RIMBP2: variants seen among roughly 807,000 people sequenced by gnomAD.
The protein encoded by RIMBP2 is RIMS binding protein 2.
A neutral mutation model predicts 118.6 loss-of-function variants in RIMBP2; 48 were observed. The observed-to-expected ratio is 0.40, with a 90% CI of 0.32 to 0.51. The LOEUF is 0.51. Among genes scored for constraint, RIMBP2 ranks in the 20% least tolerant of loss-of-function variants. The probability of loss-of-function intolerance (pLI) is 0.41; values close to 1 mark genes in which losing one functional copy is unlikely to be tolerated. For missense variants in RIMBP2, 1,551 were observed against 1,768.3 expected, an observed-to-expected ratio of 0.88 and a Z score of 2.20; for synonymous variants, 762 against 742.9, an observed-to-expected ratio of 1.03 and a Z score of -0.42.
chr12:130,664,415 A>ACGCACGCACACACGCACACACACGTACG, intron 1 of RIMBP2, among the ~76,000 whole-genome samples: 1 of 130,496 alleles, frequency 7.7e-6, no homozygotes, highest in East Asian at 2.3e-4. Flanking sequence ...ACGCACGCAC[A>ACGCACGCACACACGCACACACACGTACG]CACACGCACA....
At chr12:130,662,370 T>A (rs2063699660) in intron 1 of RIMBP2, among the ~76,000 whole-genome samples, 1 of 152,062 alleles carries the variant, frequency 6.6e-6, no homozygotes, top group African/African-American at 2.4e-5. Context: ...CTTTTAGGAA[T>A]CTGGAGGCGG....
intron 2 of RIMBP2, among the ~76,000 whole-genome samples, chr12:130,604,878 G>A (rs772638038): frequency 7.9e-5 from 12 of 151,268 alleles, no homozygotes; most frequent in Admixed American, 1.3e-4. Flanking sequence ...CACCGCGCCC[G>A]GCCTCTTTCT....
At chr12:130,681,716 G>T (rs1233425792) in intron 1 of RIMBP2, among the ~76,000 whole-genome samples, 4 of 151,788 alleles carry the variant, frequency 2.6e-5, no homozygotes, top group African/African-American at 9.7e-5. Context: ...CTTTTTTTGA[G>T]ATGAGTCTCT....
intron 2 of RIMBP2, among the ~76,000 whole-genome samples, chr12:130,546,286 T>C (rs2055156728): frequency 6.6e-6 from 1 of 151,782 alleles, no homozygotes; most frequent in East Asian, 1.9e-4. Flanking sequence ...TTGTGTTTTT[T>C]GTTAGTTAGT....
At chr12:130,438,339 T>TA in intron 12 of RIMBP2, 26 bp downstream of exon 12, 2 of 755,636 alleles carry the variant, frequency 2.6e-6, no homozygotes, top group Non-Finnish European at 2.1e-6. Context: ...TAACAAACCC[T>TA]CCCCACCCAC....
In RIMBP2 at chr12:130,685,597, G is replaced by A. The variant is rs779135041; in HGVS notation, c.-352+30625C>T. Among the ~76,000 whole-genome samples, 71 of 152,278 alleles carry A rather than the reference G, an allele frequency of 4.7e-4. 1 individual carries two copies. The Middle Eastern group carries it at 0.01, about 22-fold the overall frequency. On this transcript the variant is annotated intron_variant, in intron 1 of 22. Transcript: ENST00000690449. ...CCTCATTTCCAAAAAGCCCAGGCAG[G>A]AAGGGAGCCGTGTGGCCGCCGTGGC...
At chr12:130,644,135 C>T (rs540812823) in intron 1 of RIMBP2, among the ~76,000 whole-genome samples, 1 of 152,314 alleles carries the variant, frequency 6.6e-6, no homozygotes, top group African/African-American at 2.4e-5. Context: ...AAAAGCTATA[C>T]TGTGGATTCA....
chr12:130,518,735 AG>A, intron 2 of RIMBP2, among the ~76,000 whole-genome samples: 1 of 152,344 alleles, frequency 6.6e-6, no homozygotes, highest in East Asian at 1.9e-4. Context: ...GGTGTGGTAC[AG>A]TAACTACAAA....
At chr12:130,546,511 G>T (rs2055184153) in intron 2 of RIMBP2, among the ~76,000 whole-genome samples, 1 of 152,108 alleles carries the variant, frequency 6.6e-6, no homozygotes, top group African/African-American at 2.4e-5. Context: ...GGCCAGGCTG[G>T]TCTCAAATTC....
chr12:130,555,299 A>C (rs1566254417), intron 2 of RIMBP2, among the ~76,000 whole-genome samples: 1 of 152,134 alleles, frequency 6.6e-6, no homozygotes, highest in African/African-American at 2.4e-5. Flanking sequence ...AATTTAAAAA[A>C]TAATAATAAT....
chr12:130,459,880 T>C (rs2079822291), intron 6 of RIMBP2, among the ~76,000 whole-genome samples: 1 of 152,158 alleles, frequency 6.6e-6, no homozygotes, highest in Non-Finnish European at 1.5e-5. Flanking sequence ...CTGTGTCCTA[T>C]GGGGGCCATA....
At chr12:130,694,286 A>G (rs1242522506) in intron 1 of RIMBP2, among the ~76,000 whole-genome samples, 1 of 152,220 alleles carries the variant, frequency 6.6e-6, no homozygotes, top group Non-Finnish European at 1.5e-5. Flanking sequence ...TGACTTGAAC[A>G]TCAACTCAGC....
chr12:130,458,379 C>G (rs898110958), intron 6 of RIMBP2, among the ~76,000 whole-genome samples: 7 of 152,126 alleles, frequency 4.6e-5, no homozygotes, highest in African/African-American at 1.7e-4. Flanking sequence ...GGAGGGAACC[C>G]AAGCCCAGGG....
chr12:130,455,853 G>C (rs1010798277), intron 7 of RIMBP2, among the ~76,000 whole-genome samples: 1 of 151,946 alleles, frequency 6.6e-6, no homozygotes, highest in Admixed American at 6.6e-5. Flanking sequence ...CAGCCAGGAC[G>C]TAGCACCTCC....
chr12:130,511,991 G>A lies in RIMBP2; in HGVS notation c.-126-5221C>T, dbSNP rs2050959781. 6.6e-6 allele frequency among the ~76,000 whole-genome samples: 1 copy of A among 152,168 alleles called. No homozygotes were observed. The highest frequency in any genetic ancestry group is 6.5e-5 in the Admixed American group (1 of 15,280). The stretch of plus-strand genomic sequence containing the variant: ...CAAGCTCAGGCTTCTGTGAGGGGCA[G>A]CTGGAAATAACCCCAGCTGATAAAC... On this transcript the variant is annotated intron_variant, in intron 3 of 22. Transcript: ENST00000690449. This position sits in a 1 kb window ranked among gnomAD's most constrained non-coding sequence, Gnocchi z 4.3.
At chr12:130,435,916 C>T (rs113962677) in intron 13 of RIMBP2, among the ~76,000 whole-genome samples, 8,565 of 152,218 alleles carry the variant, frequency 0.056, 334 homozygotes, top group East Asian at 0.075. Flanking sequence ...TCTCACAGTG[C>T]GTGCCCCGCC....
intron 1 of RIMBP2, among the ~76,000 whole-genome samples, chr12:130,713,227 A>AAGGAAGGAAGGAAGGAAGAT (rs1950068173): frequency 1.7e-4 from 23 of 132,330 alleles, no homozygotes; most frequent in African/African-American, 6.3e-4. Context: ...GGAAGGAAGG[A>AAGGAAGGAAGGAAGGAAGAT]AGGAAGGAAG....
At chr12:130,437,412 G>A (rs1266823008) in intron 12 of RIMBP2, 121 bp from the exon 13 acceptor site, 22 of 790,244 alleles carry the variant, frequency 2.8e-5, no homozygotes, top group East Asian at 1.4e-4. Context: ...AGCGACCTCC[G>A]ACTCCAACCA....
chr12:130,706,541 G>A (rs2066130247), intron 1 of RIMBP2, among the ~76,000 whole-genome samples: 1 of 152,258 alleles, frequency 6.6e-6, no homozygotes, highest in African/African-American at 2.4e-5. Context: ...AGATGCTGTG[G>A]GGCACAGGCA....
Sources: gnomAD v4.1 joint callset for allele counts (sites outside exome capture counted in the v4.1 genomes callset) on GRCh38, gnomAD v4.1.1 for gene constraint, Gnocchi (gnomAD v3.1) non-coding constraint, MANE v1.5 for transcripts, NCBI Gene and HGNC (gene_info 2026-07-23, HGNC 2026-07-21) for gene names.